Variants in CSMD1 observed in about 807,000 individuals in gnomAD.
CSMD1 encodes CUB and Sushi multiple domains 1.
A neutral mutation model predicts 417.5 loss-of-function variants in CSMD1; 213 were observed. The ratio of observed to expected loss-of-function variants is 0.51; its 90% CI spans 0.46 to 0.57. CSMD1 has a LOEUF of 0.57. Among genes scored for constraint, CSMD1 ranks in the 20% least tolerant of loss-of-function variants. The pLI is 0.00. For missense variants in CSMD1, 6,923 were observed against 4,529.7 expected (o/e 1.53, Z -15.17); for synonymous variants, 2,862 against 1,736.8 (o/e 1.65, Z -16.11).
At chr8:4,086,418 A>G (rs1800422433) in intron 3 of CSMD1, among the ~76,000 whole-genome samples, 1 of 152,198 alleles carries the variant, frequency 6.6e-6, no homozygotes, top group South Asian at 2.1e-4. Flanking sequence ...AATCATTTTG[A>G]AAATCATATT....
intron 1 of CSMD1, among the ~76,000 whole-genome samples, chr8:4,981,343 T>C (rs545621914): frequency 6.6e-6 from 1 of 152,334 alleles, no homozygotes; most frequent in Admixed American, 6.5e-5. Flanking sequence ...ATTAACTCTC[T>C]AGATTGAAAC....
At chr8:3,984,007 G>A (rs1442889056) in intron 5 of CSMD1, among the ~76,000 whole-genome samples, 2 of 148,216 alleles carry the variant, frequency 1.3e-5, no homozygotes, top group East Asian at 2.0e-4. Flanking sequence ...CAGATCTGAT[G>A]GGGCTGTCAA....
At position 4,335,826 on chromosome 8, in the gene CSMD1, C is replaced by A. The variant is rs943199314; in HGVS notation, c.415+84127G>T. ...CCATGGAAGATACAACATTACTCAG[C>A]CCAGGGGTTGATTGGGGTATCTAAG... On this transcript the variant is annotated intron_variant, in intron 3 of 69. Coordinates refer to ENST00000635120, the MANE Select transcript of CSMD1 (RefSeq NM_033225.6). Among the ~76,000 whole-genome samples the A allele has an allele frequency of 2.0e-5, 3 of 151,966 alleles. No homozygotes were observed. The South Asian group carries it at 6.2e-4, about 32-fold the overall frequency.
intron 41 of CSMD1, among the ~76,000 whole-genome samples, chr8:3,137,533 G>C (rs773348747): frequency 3.9e-5 from 6 of 152,182 alleles, no homozygotes; most frequent in Non-Finnish European, 7.4e-5. Flanking sequence ...TTTCAGTAAG[G>C]CATCCTTTAA....
At chr8:3,228,162 A>G (rs1417475942) in intron 27 of CSMD1, among the ~76,000 whole-genome samples, 1 of 152,192 alleles carries the variant, frequency 6.6e-6, no homozygotes, top group Admixed American at 6.5e-5. Context: ...AAAGATGACA[A>G]CTTTTTTCTC....
intron 31 of CSMD1, among the ~76,000 whole-genome samples, chr8:3,202,711 T>C (rs1797054483): frequency 6.6e-6 from 1 of 152,202 alleles, no homozygotes; most frequent in African/African-American, 2.4e-5. Flanking sequence ...ACAATTACTG[T>C]TAATATTTGT....
chr8:3,333,406 C>T (rs1418699437), intron 23 of CSMD1, among the ~76,000 whole-genome samples: 1 of 152,166 alleles, frequency 6.6e-6, no homozygotes, highest in Non-Finnish European at 1.5e-5. Flanking sequence ...AAATTATCTA[C>T]AAGTTAACTG....
intron 5 of CSMD1, among the ~76,000 whole-genome samples, chr8:3,831,247 A>G (rs1802360644): frequency 6.6e-6 from 1 of 152,176 alleles, no homozygotes; most frequent in Non-Finnish European, 1.5e-5. Context: ...AAGTTTTGAG[A>G]GAATACTGCT....
intron 1 of CSMD1, among the ~76,000 whole-genome samples, chr8:4,778,935 T>C (rs1797010883): frequency 6.6e-6 from 1 of 152,240 alleles, no homozygotes; most frequent in South Asian, 2.1e-4. Flanking sequence ...CTGCTTATCC[T>C]GTGGGTTTTA....
intron 7 of CSMD1, among the ~76,000 whole-genome samples, chr8:3,631,158 C>G (rs1045042759): frequency 1.1e-4 from 16 of 152,190 alleles, no homozygotes; most frequent in African/African-American, 3.4e-4. Context: ...CCTGTGCACC[C>G]TGGCTAAACC....
intron 3 of CSMD1, among the ~76,000 whole-genome samples, chr8:4,306,048 C>T (rs971927187): frequency 6.6e-6 from 1 of 152,108 alleles, no homozygotes; most frequent in African/African-American, 2.4e-5. Flanking sequence ...TAAGTATGCA[C>T]ATTACTGGAC....
At chr8:4,928,159 A>G (rs1806996982) in intron 1 of CSMD1, among the ~76,000 whole-genome samples, 1 of 151,888 alleles carries the variant, frequency 6.6e-6, no homozygotes, top group Non-Finnish European at 1.5e-5. Context: ...GCACACATAG[A>G]CTTTCCCGTT....
chr8:3,095,446 C>A (rs1815232494), intron 47 of CSMD1, among the ~76,000 whole-genome samples: 1 of 152,110 alleles, frequency 6.6e-6, no homozygotes, highest in African/African-American at 2.4e-5. Flanking sequence ...TTTTAATATA[C>A]ACATTTAAAA....
intron 2 of CSMD1, among the ~76,000 whole-genome samples, chr8:4,481,282 C>G (rs1190868136): frequency 2.0e-5 from 3 of 152,228 alleles, no homozygotes; most frequent in African/African-American, 7.2e-5. Context: ...CTGTGCCAGC[C>G]CTATCACACT....
chr8:4,032,432 C>CA (rs144090687), intron 3 of CSMD1, among the ~76,000 whole-genome samples: 18,228 of 152,072 alleles, frequency 0.12, 1,180 homozygotes, highest in East Asian at 0.19. Context: ...AGTGAGCAAC[C>CA]AGATGTCAGT....
chr8:3,177,561 A>G (rs148439848), intron 37 of CSMD1, among the ~76,000 whole-genome samples: 139 of 152,354 alleles, frequency 9.1e-4, no homozygotes, highest in Middle Eastern at 3.4e-3. Flanking sequence ...AATATTAAAA[A>G]TTCTTCCCTA....
chr8:4,071,330 T>C (rs571416878), intron 3 of CSMD1, among the ~76,000 whole-genome samples: 5 of 152,310 alleles, frequency 3.3e-5, no homozygotes, highest in East Asian at 1.9e-4. Flanking sequence ...TCCATTGGAC[T>C]AACATCATCA....
chr8:2,962,700 G>A (rs1206626062), intron 60 of CSMD1, 61 bp from the exon 61 acceptor site: 2 of 1,515,126 alleles, frequency 1.3e-6, no homozygotes, highest in Non-Finnish European at 1.8e-6. Context: ...TTCACCAATT[G>A]AGCTTGGTAA....
intron 12 of CSMD1, among the ~76,000 whole-genome samples, chr8:3,459,807 G>C (rs186550916): frequency 2.0e-5 from 3 of 152,186 alleles, no homozygotes; most frequent in Admixed American, 6.5e-5. Flanking sequence ...ACCAGAAACA[G>C]TCTGTGTTGA....
Sources: gnomAD v4.1 joint callset for allele counts (sites outside exome capture counted in the v4.1 genomes callset) on GRCh38, gnomAD v4.1.1 for gene constraint, MANE v1.5 for transcripts, NCBI Gene and HGNC (gene_info 2026-07-23, HGNC 2026-07-21) for gene names.